The following ORC4 variants were observed in gnomAD, a reference collection of about 807,000 sequenced individuals.
The protein encoded by ORC4 is origin recognition complex subunit 4, also known as origin recognition complex, subunit 4 homolog.
In ORC4, 55 loss-of-function variants were observed where a neutral mutation model predicts 63.9. The ratio of observed to expected loss-of-function variants is 0.86; its 90% CI spans 0.69 to 1.08. The LOEUF (loss-of-function observed/expected upper bound fraction) is 1.08. Ranked by LOEUF, ORC4 falls within the 50% of genes least tolerant of loss-of-function variation. The pLI, the probability that ORC4 is intolerant of heterozygous loss-of-function variation, is 0.00. For synonymous variants in ORC4, 150 were observed against 168.5 expected (o/e 0.89, Z 0.85); for missense variants, 511 against 504.4 (o/e 1.01, Z -0.13).
intron 1 of ORC4, among the ~76,000 whole-genome samples, chr2:147,999,583 C>T (rs1020341739): frequency 9.9e-5 from 15 of 152,104 alleles, no homozygotes; most frequent in Non-Finnish European, 2.2e-4. Flanking sequence ...CTAAATTTCT[C>T]TTAGGGGGCC....
rs1196535305 is a variant in ORC4, at chr2:147,932,521, AAG to A, written c.*2987_*2988del. 1 of 152,154 alleles carries A rather than the reference AAG, an allele frequency of 6.6e-6. No homozygotes were observed. The highest frequency in any genetic ancestry group is 1.5e-5 in the Non-Finnish European group (1 of 68,018). The allele number at this position is 152,154 out of a possible 1,614,324, so 9.4% of individuals were successfully genotyped here. ...GGCAATCCTAAGCTATGTGTTCTTA[AAG>A]AGGGGAGTGGTAGCTTTGTAACTTA... On this transcript the variant is annotated 3_prime_UTR_variant, in exon 14 of 14. Transcript: ENST00000392857.
chr2:147,949,598 A>G (rs1364557115), intron 8 of ORC4, among the ~76,000 whole-genome samples: 3 of 152,140 alleles, frequency 2.0e-5, no homozygotes, highest in Non-Finnish European at 4.4e-5. Flanking sequence ...CAGTGACATG[A>G]TATTTGATGA....
At chr2:147,946,497 A>G (rs1688665256) in intron 9 of ORC4, among the ~76,000 whole-genome samples, 1 of 152,040 alleles carries the variant, frequency 6.6e-6, no homozygotes, top group East Asian at 1.9e-4. Context: ...CCCCAGTAAA[A>G]GGGGACAATG....
intron 9 of ORC4, among the ~76,000 whole-genome samples, chr2:147,944,641 C>T (rs1289858353): frequency 6.6e-6 from 1 of 150,796 alleles, no homozygotes; most frequent in Non-Finnish European, 1.5e-5. Flanking sequence ...CAAGAAAGGC[C>T]TGGAAAAGAT....
At chr2:148,004,159 A>G (rs945199949) in intron 1 of ORC4, among the ~76,000 whole-genome samples, 5 of 152,220 alleles carry the variant, frequency 3.3e-5, no homozygotes, top group Admixed American at 6.5e-5. Context: ...AGGAAGGATC[A>G]ATATCATGAA....
At chr2:148,008,238 T>TG (rs1692742037) in intron 1 of ORC4, among the ~76,000 whole-genome samples, 2 of 152,218 alleles carry the variant, frequency 1.3e-5, no homozygotes, top group Admixed American at 1.3e-4. Context: ...TGAAAGTAAG[T>TG]GCACAGATAA....
At chr2:148,003,727 T>C (rs1488019838) in intron 1 of ORC4, among the ~76,000 whole-genome samples, 1 of 152,072 alleles carries the variant, frequency 6.6e-6, no homozygotes, top group Non-Finnish European at 1.5e-5. Context: ...CTCTCACCAC[T>C]CCTATTCAAC....
chr2:148,009,080 A>T (rs1000253593), intron 1 of ORC4, among the ~76,000 whole-genome samples: 2 of 152,150 alleles, frequency 1.3e-5, no homozygotes, highest in Admixed American at 6.5e-5. Flanking sequence ...CTTTGCAATC[A>T]GAGTTGTCAT....
chr2:147,993,420 A>G (rs1275432507), intron 1 of ORC4, among the ~76,000 whole-genome samples: 3 of 152,170 alleles, frequency 2.0e-5, no homozygotes, highest in Admixed American at 2.0e-4. Flanking sequence ...GCTAGAAATT[A>G]CCCTAGAAAT....
intron 9 of ORC4, among the ~76,000 whole-genome samples, chr2:147,946,242 G>A (rs1172879653): frequency 1.3e-5 from 2 of 151,938 alleles, no homozygotes; most frequent in Non-Finnish European, 2.9e-5. Context: ...AAATGGCACA[G>A]TGCAACCTAG....
intron 1 of ORC4, among the ~76,000 whole-genome samples, chr2:147,995,330 C>T (rs181283897): frequency 1.8e-4 from 27 of 152,270 alleles, no homozygotes; most frequent in African/African-American, 4.8e-4. Context: ...CACCACTCAG[C>T]GCTCTGTAAA....
intron 1 of ORC4, among the ~76,000 whole-genome samples, chr2:148,009,453 T>A (rs1361336699): frequency 6.6e-6 from 1 of 152,074 alleles, no homozygotes; most frequent in Admixed American, 6.6e-5. Flanking sequence ...TAAAATAGAT[T>A]TCAACATAAA....
intron 9 of ORC4, among the ~76,000 whole-genome samples, chr2:147,944,905 A>G (rs1688572196): frequency 6.6e-6 from 1 of 152,006 alleles, no homozygotes; most frequent in African/African-American, 2.4e-5. Flanking sequence ...TTTGTATTTT[A>G]AAGGACTTCT....
At chr2:148,018,779 G>C (rs1390080820) in intron 1 of ORC4, among the ~76,000 whole-genome samples, 2 of 152,146 alleles carry the variant, frequency 1.3e-5, no homozygotes, top group African/African-American at 4.8e-5. Context: ...TACTAAGAAA[G>C]AAAGCAGTAA....
In ORC4 at chr2:147,938,331, C is replaced by T; in HGVS notation, c.1021G>A (p.Glu341Lys). The T allele has an allele frequency of 6.2e-7, 1 of 1,608,734 alleles. No individual in the cohort carries two copies. The highest frequency in any genetic ancestry group is 8.5e-7 in the Non-Finnish European group (1 of 1,176,306). ...AMKHLNDIYE[E>K]EPFNFQMVYN... ...ACCATTTGAAAATTAAATGGCTCTTCCTCATAGATGTCATTTAAATGTTTC... is the reference window on the plus strand; with the variant it reads ...ACCATTTGAAAATTAAATGGCTCTTTCTCATAGATGTCATTTAAATGTTTC... The change falls in exon 12 of 14, where the codon GAA becomes AAA. Residue 341 changes from glutamate (E) to lysine (K), a missense_variant. Glu to Lys is a moderately conservative substitution (Grantham distance 56). Transcript: ENST00000392857.
At chr2:148,019,935 A>C (rs1693590846) in intron 1 of ORC4, among the ~76,000 whole-genome samples, 1 of 152,268 alleles carries the variant, frequency 6.6e-6, no homozygotes, top group South Asian at 2.1e-4. Flanking sequence ...TAGTAACCAA[A>C]GAAACTTGAC....
At chr2:147,955,848 T>C (rs534535569) in intron 6 of ORC4, among the ~76,000 whole-genome samples, 1 of 152,110 alleles carries the variant, frequency 6.6e-6, no homozygotes, top group East Asian at 1.9e-4. Context: ...GAAATAACCA[T>C]GAATTTAAAT....
chr2:147,974,461 C>A (rs1677515184), intron 2 of ORC4, among the ~76,000 whole-genome samples: 1 of 151,816 alleles, frequency 6.6e-6, no homozygotes, highest in Non-Finnish European at 1.5e-5. Context: ...TGGTTGAAAT[C>A]CCTTCTCTAA....
intron 4 of ORC4, among the ~76,000 whole-genome samples, chr2:147,971,749 T>C (rs1573816427): frequency 6.6e-6 from 1 of 152,000 alleles, no homozygotes; most frequent in East Asian, 1.9e-4. Flanking sequence ...AAGCTGAGTA[T>C]GAGGACTAAA....
Sources: gnomAD v4.1 joint callset for allele counts (sites outside exome capture counted in the v4.1 genomes callset) on GRCh38, gnomAD v4.1.1 for gene constraint, MANE v1.5 for transcripts, NCBI Gene and HGNC (gene_info 2026-07-23, HGNC 2026-07-21) for gene names.